The following RAB26 variants were observed in gnomAD, a reference collection of about 807,000 sequenced individuals.
RAB26 encodes the protein RAB26, member RAS oncogene family.
A neutral mutation model predicts 33.1 loss-of-function variants in RAB26; 39 were observed. The ratio of observed to expected loss-of-function variants is 1.18; its 90% confidence interval spans 0.91 to 1.54. The LOEUF (loss-of-function observed/expected upper bound fraction) is 1.54. Ranked by LOEUF, RAB26 falls within the 40% of genes most tolerant of loss-of-function variation. The pLI is 0.00. For synonymous variants in RAB26, 192 were observed against 151.9 expected (o/e 1.26, Z -1.94); for missense variants, 468 against 362.9 (o/e 1.29, Z -2.35).
rs1596660369 is a variant in RAB26 at position 2,154,095 on chromosome 16, C to T, written c.*674C>T. On this transcript the variant is annotated 3_prime_UTR_variant, in exon 9 of 9. Coordinates refer to ENST00000210187, the MANE Select transcript of RAB26 (RefSeq NM_014353.5). Reference sequence around the variant, plus strand: ...CACTCAACTTGGCCTTTTGATTGCACAAGCCTTTGTTTTCAGTCCTAGTGA... The same window carrying T: ...CACTCAACTTGGCCTTTTGATTGCATAAGCCTTTGTTTTCAGTCCTAGTGA... The T allele has an allele frequency of 3.1e-6, 1 of 325,232 alleles. No individual in the cohort carries two copies. The highest frequency in any genetic ancestry group is 6.1e-6 in the Non-Finnish European group (1 of 163,826). 20.1% of individuals were successfully genotyped at this position (325,232 alleles called of 1,614,324 possible).
rs751591695 is a variant in RAB26 at position 2,152,991 on chromosome 16, G to T, written c.537G>T (p.Val179=). The T allele has an allele frequency of 6.3e-7, 1 of 1,587,628 alleles. No individual in the cohort carries two copies. The highest frequency in any genetic ancestry group is 1.3e-5 in the African/African-American group (1 of 74,404). ...CCAAGACCCTGTGCCTGGGCCAGGTGGACTCTGCCCATGAGCGTGTGGTGA... is the reference window on the plus strand; with the variant it reads ...CCAAGACCCTGTGCCTGGGCCAGGTTGACTCTGCCCATGAGCGTGTGGTGA... The part of the protein sequence containing the change: ...DVALMLLGNK[V]DSAHERVVKR... Residue 179 remains valine, a splice_region_variant and synonymous_variant, in exon 7 of 9, where the codon GTG becomes GTT. Coordinates refer to ENST00000210187, the MANE Select transcript of RAB26 (RefSeq NM_014353.5).
At position 2,153,556 on chromosome 16, in the gene RAB26, C is replaced by T; in HGVS notation, c.*135C>T. The stretch of plus-strand genomic sequence containing the variant: ...CTGTTTTCAGGAGCCCCAGGTCAAG[C>T]CTTGTCCCTTCCTCCTCCCAGCAAC... On this transcript the variant is annotated 3_prime_UTR_variant, in exon 9 of 9. Transcript: ENST00000210187. 1 of 787,984 alleles carries T rather than the reference C, an allele frequency of 1.3e-6. No individual in the cohort carries two copies. The highest frequency in any genetic ancestry group is 2.1e-6 in the Non-Finnish European group (1 of 485,852). The allele number at this position is 787,984 out of a possible 1,614,324, so 48.8% of individuals were successfully genotyped here.
At position 2,153,644 on chromosome 16, in the gene RAB26, C is replaced by G; in HGVS notation, c.*223C>G. The stretch of plus-strand genomic sequence containing the variant: ...ACACTGGCCGCCACGGAAAAGCAGT[C>G]TTCTGCACGGGACGGGGAGCGGCAA... On this transcript the variant is annotated 3_prime_UTR_variant, in exon 9 of 9. Coordinates refer to ENST00000210187, the MANE Select transcript of RAB26 (RefSeq NM_014353.5). The G allele has an allele frequency of 1.5e-6, 1 of 670,842 alleles. No individual in the cohort carries two copies. Among genetic ancestry groups the G allele is most frequent in the Non-Finnish European group, 2.7e-6 (1 of 366,378 alleles). 41.6% of individuals were successfully genotyped at this position (670,842 alleles called of 1,614,324 possible).
chr16:2,153,847 C>CT lies in RAB26; in HGVS notation c.*427dup. ...ACGCCTGGGACAGAAGGCTTCACTGCTAATCACATCGTGCATCTGTGTGTC... is the reference window on the plus strand; with the variant it reads ...ACGCCTGGGACAGAAGGCTTCACTGCTTAATCACATCGTGCATCTGTGTGTC... On this transcript the variant is annotated 3_prime_UTR_variant, in exon 9 of 9. Coordinates refer to ENST00000210187, the MANE Select transcript of RAB26 (RefSeq NM_014353.5). 1 of 460,152 alleles carries CT rather than the reference C, an allele frequency of 2.2e-6. No individual in the cohort carries two copies. Among genetic ancestry groups the CT allele is most frequent in the Non-Finnish European group, 4.4e-6 (1 of 229,750 alleles). The allele number at this position is 460,152 out of a possible 1,614,324, so 28.5% of individuals were successfully genotyped here. A position where few individuals can be genotyped will look rare whatever the true frequency, so the allele number is the denominator to read the frequency against.
At chr16:2,151,424 G>A (rs2093004605) in intron 2 of RAB26, 145 bp from the exon 3 acceptor site, 1 of 1,068,154 alleles carries the variant, frequency 9.4e-7, no homozygotes, top group Non-Finnish European at 1.4e-6. Context: ...GTGTGGGTGA[G>A]GTCAAATTGG....
At chr16:2,149,361 C>T (rs1196046043) in intron 1 of RAB26, among the ~76,000 whole-genome samples, 1 of 145,916 alleles carries the variant, frequency 6.9e-6, no homozygotes, top group Non-Finnish European at 1.5e-5. Context: ...GGATGGGGAA[C>T]CCTGGGACTC....
Position 2,153,869 on chromosome 16 carries a change from T to C in RAB26, c.*448T>C. Reference sequence around the variant, plus strand: ...CTGCTAATCACATCGTGCATCTGTGTGTCCTGGGAGCTGCCTGCTCCCGGC... The same window carrying C: ...CTGCTAATCACATCGTGCATCTGTGCGTCCTGGGAGCTGCCTGCTCCCGGC... On this transcript the variant is annotated 3_prime_UTR_variant, in exon 9 of 9. Coordinates refer to ENST00000210187, the MANE Select transcript of RAB26 (RefSeq NM_014353.5). The C allele has an allele frequency of 4.4e-6, 2 of 457,714 alleles. No homozygotes were observed. The highest frequency in any genetic ancestry group is 3.1e-5 in the South Asian group (2 of 64,580). The allele number at this position is 457,714 out of a possible 1,614,324, so 28.4% of individuals were successfully genotyped here.
intron 2 of RAB26, 84 bp from the exon 3 acceptor site, chr16:2,151,485 C>T (rs954950260): frequency 2.8e-5 from 45 of 1,597,206 alleles, no homozygotes; most frequent in Non-Finnish European, 3.4e-6. Context: ...TGGGAGGTCT[C>T]AGGGGACAGG....
In RAB26 at chr16:2,152,855, C is replaced by T. The variant is rs140758359; in HGVS notation, c.504C>T (p.His168=). The change falls in exon 6 of 9, where the codon CAC becomes CAT. Residue 168 remains histidine (H), a synonymous_variant. Transcript: ENST00000210187. ...CCGAGATCCACGAGTACGCCCAGCA[C>T]GACGTGGCGCTCATGCTGCTGGGGA... ...WLTEIHEYAQ[H]DVALMLLGNK... 50 of 1,608,004 alleles carry T rather than the reference C, an allele frequency of 3.1e-5. No individual in the cohort carries two copies. Among genetic ancestry groups the T allele is most frequent in the Admixed American group, 8.4e-5 (5 of 59,178 alleles).
At chr16:2,152,140 G>A (rs551715070) in intron 5 of RAB26, among the ~76,000 whole-genome samples, 55 of 152,356 alleles carry the variant, frequency 3.6e-4, no homozygotes, top group South Asian at 2.1e-4. Flanking sequence ...TGTGGTACAC[G>A]GGGGGTTATC....
intron 1 of RAB26, among the ~76,000 whole-genome samples, chr16:2,149,442 T>C (rs897250140): frequency 1.4e-4 from 21 of 151,328 alleles, no homozygotes; most frequent in African/African-American, 4.6e-4. Context: ...GTAGCACAGG[T>C]TTCGGGGAGA....
rs2093010249 is a variant in RAB26 at position 2,152,851 on chromosome 16, A to C, written c.500A>C (p.Gln167Pro). The change falls in exon 6 of 9, where the codon CAG becomes CCG. Residue 167 changes from glutamine (Q) to proline (P), a missense_variant. By Grantham distance (76) the Gln-to-Pro change is moderately conservative (BLOSUM62 -1). Transcript: ENST00000210187. ...CTGACCGAGATCCACGAGTACGCCC[A>C]GCACGACGTGGCGCTCATGCTGCTG... ...AWLTEIHEYA[Q>P]HDVALMLLGN... 1 of 1,607,746 alleles carries C rather than the reference A, an allele frequency of 6.2e-7. No individual in the cohort carries two copies.
rs2093011258 is a variant in RAB26 at position 2,153,060 on chromosome 16, G to C, written c.591+15G>C. On this transcript the variant is annotated intron_variant, in intron 7 of 8. Coordinates refer to ENST00000210187, the MANE Select transcript of RAB26 (RefSeq NM_014353.5). ...AGCTGGCCAAGGTGAGTCAGGGCAG[G>C]GGGGTGGTGAGGGGGTGCCCCTGGA... The C allele has an allele frequency of 1.9e-6, 3 of 1,611,432 alleles. No homozygotes were observed. Among genetic ancestry groups the C allele is most frequent in the South Asian group, 2.2e-5 (2 of 91,028 alleles).
rs772905319 is a variant in RAB26 at position 2,149,961 on chromosome 16, G to C, written c.216G>C (p.Ser72=). 1.3e-6 allele frequency: 2 copies of C among 1,537,998 alleles called. No individual in the cohort carries two copies. The highest frequency in any genetic ancestry group is 1.2e-5 in the South Asian group (1 of 81,730). Residue 72 remains serine (S), a synonymous_variant, in exon 2 of 9, where the codon TCG becomes TCC. Transcript: ENST00000210187. ...CCTAGGTCATGCTGGTGGGGGACTC[G>C]GGTGTGGGGAAGACCTGTCTGCTGG... ...VAFKVMLVGD[S]GVGKTCLLVR...
chr16:2,151,879 A>G lies in RAB26; in HGVS notation c.439A>G (p.Thr147Ala). The change falls in exon 5 of 9, where the codon ACC becomes GCC. Residue 147 changes from threonine (T) to alanine (A), a missense_variant. Thr to Ala is a moderately conservative substitution (Grantham distance 58). Transcript: ENST00000210187. ...AGCTCTGCTGCTGCTCTACGATGTC[A>G]CCAACAAGGCCTCCTTTGACAACAT... ...AHALLLLYDV[T>A]NKASFDNIQA... 1 of 1,614,110 alleles carries G rather than the reference A, an allele frequency of 6.2e-7. No individual in the cohort carries two copies. Among genetic ancestry groups the G allele is most frequent in the East Asian group, 2.2e-5 (1 of 44,884 alleles).
rs772470440 is a variant in RAB26, at chr16:2,153,632, C to G, written c.*211C>G. ...GCCCGTGGCCGCACACTGGCCGCCA[C>G]GGAAAAGCAGTCTTCTGCACGGGAC... On this transcript the variant is annotated 3_prime_UTR_variant, in exon 9 of 9. Transcript: ENST00000210187. The G allele has an allele frequency of 1.5e-6, 1 of 663,800 alleles. No homozygotes were observed. The highest frequency in any genetic ancestry group is 2.7e-6 in the Non-Finnish European group (1 of 364,338). The allele number at this position is 663,800 out of a possible 1,614,324, so 41.1% of individuals were successfully genotyped here. A position where few individuals can be genotyped will look rare whatever the true frequency, so the allele number is the denominator to read the frequency against.
At chr16:2,149,331 G>A (rs1333192720) in intron 1 of RAB26, among the ~76,000 whole-genome samples, 2 of 149,502 alleles carry the variant, frequency 1.3e-5, no homozygotes, top group African/African-American at 4.9e-5. Context: ...TTTTTGCTGG[G>A]GGGAAGAGGT....
In RAB26 at chr16:2,153,476, C is replaced by A. The variant is rs983375216; in HGVS notation, c.*55C>A. On this transcript the variant is annotated 3_prime_UTR_variant, in exon 9 of 9. Transcript: ENST00000210187. ...GCCGTCCAGTCCCTAGAAGGCTGGA[C>A]AGAGGGTCTCCAGGCCCTTCTGACT... is the stretch of plus-strand genomic sequence containing the variant. The A allele has an allele frequency of 2.1e-5, 32 of 1,534,616 alleles. No individual in the cohort carries two copies.
At position 2,151,550 on chromosome 16, in the gene RAB26, C is replaced by G; in HGVS notation, c.307-19C>G. The stretch of plus-strand genomic sequence containing the variant: ...TGGGCTGGGCCCATGCCAGAGCTGC[C>G]TGGTTCTGTCTGTTTCAGAACAAAG... On this transcript the variant is annotated intron_variant, in intron 2 of 8. Transcript: ENST00000210187. 1 of 1,613,554 alleles carries G rather than the reference C, an allele frequency of 6.2e-7. No homozygotes were observed. Among genetic ancestry groups the G allele is most frequent in the Non-Finnish European group, 8.5e-7 (1 of 1,180,018 alleles).
Sources: allele counts gnomAD v4.1 joint callset (sites outside exome capture counted in the v4.1 genomes callset), GRCh38; gene constraint gnomAD v4.1.1; transcripts MANE v1.5; gene names NCBI Gene and HGNC (gene_info 2026-07-23, HGNC 2026-07-21).